ST3GAL1: variants seen among roughly 807,000 people sequenced by gnomAD.
ST3GAL1 encodes the protein ST3 beta-galactoside alpha-2,3-sialyltransferase 1, also known as CMP-N-acetylneuraminate-beta-galactosamide-alpha-2,3-sialyltransferase 1.
In ST3GAL1, 16 loss-of-function variants were observed where a neutral mutation model predicts 34.1. The observed-to-expected ratio is 0.47, with a 90% CI of 0.32 to 0.71. The LOEUF is 0.71. Ranked by LOEUF, ST3GAL1 falls within the 30% of genes least tolerant of loss-of-function variation. The pLI is 0.04. For missense variants in ST3GAL1, 353 were observed against 447.4 expected (o/e 0.79, Z 1.90); for synonymous variants, 191 against 184.7 (o/e 1.03, Z -0.28).
At position 133,570,592 on chromosome 8, in the gene ST3GAL1, G is replaced by A. The variant is rs998177442; in HGVS notation, c.-582+1101C>T. Among the ~76,000 whole-genome samples, 1 of 152,174 alleles carries A rather than the reference G, an allele frequency of 6.6e-6. No homozygotes were observed. Among genetic ancestry groups the A allele is most frequent in the Admixed American group, 6.5e-5 (1 of 15,280 alleles). ...TCCCCACACGCTTCCTGGGAGACCC[G>A]GCTGCAAGGCCAGGCTAATGCGCGC... On this transcript the variant is annotated intron_variant, in intron 1 of 9. Coordinates refer to ENST00000522652, the MANE Select transcript of ST3GAL1 (RefSeq NM_173344.3). This position sits in a 1 kb window ranked among gnomAD's most constrained non-coding sequence, Gnocchi z 5.6.
chr8:133,476,068 C>T lies in ST3GAL1; in HGVS notation c.-44G>A, dbSNP rs754770926. 2.0e-6 allele frequency: 3 copies of T among 1,523,398 alleles called. No individual in the cohort carries two copies. Among genetic ancestry groups the T allele is most frequent in the Non-Finnish European group, 2.6e-6 (3 of 1,134,770 alleles). The allele number at this position is 1,523,398 out of a possible 1,614,324, so 94.4% of individuals were successfully genotyped here. On this transcript the variant is annotated 5_prime_UTR_variant, in exon 5 of 10. Transcript: ENST00000522652. ...GGCCTCCCACGATGGGTAGCAGGAA[C>T]TCCCTCCTAAGAGAGGAGAAAAATG...
intron 3 of ST3GAL1, among the ~76,000 whole-genome samples, chr8:133,477,760 C>A (rs531414379): frequency 1.3e-5 from 2 of 151,902 alleles, no homozygotes; most frequent in Non-Finnish European, 2.9e-5. Context: ...TGCCCTGGAG[C>A]GTGGTCTTTT....
In ST3GAL1 at chr8:133,467,771, G is replaced by A. The variant is rs1201515922; in HGVS notation, c.307-1681C>T. ...ACCTGGGCATATGTAGGGAGATCCCGGGGCACCCAGTCCCCACTGCAATGG... is the reference window on the plus strand; with the variant it reads ...ACCTGGGCATATGTAGGGAGATCCCAGGGCACCCAGTCCCCACTGCAATGG... On this transcript the variant is annotated intron_variant, in intron 5 of 9. Coordinates refer to ENST00000522652, the MANE Select transcript of ST3GAL1 (RefSeq NM_173344.3). The surrounding 1 kb of genome is among the most constrained non-coding windows in gnomAD (Gnocchi z 4.2). Among the ~76,000 whole-genome samples, 2 of 152,138 alleles carry A rather than the reference G, an allele frequency of 1.3e-5. No individual in the cohort carries two copies. The highest frequency in any genetic ancestry group is 1.9e-4 in the East Asian group (1 of 5,172).
intron 2 of ST3GAL1, among the ~76,000 whole-genome samples, chr8:133,526,035 G>A (rs975623255): frequency 6.6e-6 from 1 of 152,166 alleles, no homozygotes; most frequent in African/African-American, 2.4e-5. Context: ...TGTGGAGCAT[G>A]CAGCCCCAGC....
At chr8:133,538,313 G>A (rs956350925) in intron 2 of ST3GAL1, among the ~76,000 whole-genome samples, 18 of 152,188 alleles carry the variant, frequency 1.2e-4, no homozygotes, top group African/African-American at 3.1e-4. Context: ...TCAGGAGTTC[G>A]AGATCGGCCT....
intron 1 of ST3GAL1, among the ~76,000 whole-genome samples, chr8:133,568,968 T>C (rs73361381): frequency 0.014 from 2,198 of 152,312 alleles, 52 homozygotes; most frequent in African/African-American, 0.042. Context: ...AGGGGGGCAG[T>C]ACAGCCCTGA....
At chr8:133,551,466 G>C (rs964224934) in intron 1 of ST3GAL1, among the ~76,000 whole-genome samples, 1 of 150,130 alleles carries the variant, frequency 6.7e-6, no homozygotes, top group Admixed American at 6.7e-5. Flanking sequence ...GGAAAAGAAA[G>C]AGAGAGAGAG....
intron 3 of ST3GAL1, among the ~76,000 whole-genome samples, chr8:133,492,271 C>T (rs1399652339): frequency 6.6e-6 from 1 of 152,112 alleles, no homozygotes; most frequent in Non-Finnish European, 1.5e-5. Flanking sequence ...CAAGTGCACC[C>T]CCAGCTCATG....
In ST3GAL1 at chr8:133,525,645, G is replaced by T. The variant is rs537843534; in HGVS notation, c.-429+20129C>A. Among the ~76,000 whole-genome samples, 15 of 152,284 alleles carry T rather than the reference G, an allele frequency of 9.9e-5. No homozygotes were observed. The South Asian group carries it at 3.1e-3, about 32-fold the overall frequency. ...GACGCCTGCAGGCCTGCACTGAGCT[G>T]CCCTCAGTCTCCTCTTGGCTTCCCT... On this transcript the variant is annotated intron_variant, in intron 2 of 9. Transcript: ENST00000522652.
chr8:133,515,484 G>A (rs186058452), intron 2 of ST3GAL1: 1 of 152,058 alleles, frequency 6.6e-6, no homozygotes, highest in Non-Finnish European at 1.5e-5. Context: ...AGTTCTCAAG[G>A]GTTCTCATTG....
chr8:133,567,549 C>G (rs1819439860), intron 1 of ST3GAL1, among the ~76,000 whole-genome samples: 1 of 152,212 alleles, frequency 6.6e-6, no homozygotes, highest in South Asian at 2.1e-4. Flanking sequence ...GGTGAGATCA[C>G]TGGGGTTCCT....
At chr8:133,554,835 T>C (rs1365546083) in intron 1 of ST3GAL1, among the ~76,000 whole-genome samples, 1 of 151,510 alleles carries the variant, frequency 6.6e-6, no homozygotes, top group African/African-American at 2.4e-5. Context: ...CAAGCGATTC[T>C]CGTGCCTCAG....
At position 133,476,457 on chromosome 8, in the gene ST3GAL1, C is replaced by T. The variant is rs763883064; in HGVS notation, c.-230G>A. 30 of 155,682 alleles carry T rather than the reference C, an allele frequency of 1.9e-4. No individual in the cohort carries two copies. Among genetic ancestry groups the T allele is most frequent in the Non-Finnish European group, 2.4e-4 (17 of 70,314 alleles). The allele number at this position is 155,682 out of a possible 1,614,324, so 9.6% of individuals were successfully genotyped here. ...CCTCGAAGGAAGGGTGTTGGTATAGCGGGGAGGGAAACTGTCTCTGCCGTC... is the reference window on the plus strand; with the variant it reads ...CCTCGAAGGAAGGGTGTTGGTATAGTGGGGAGGGAAACTGTCTCTGCCGTC... On this transcript the variant is annotated 5_prime_UTR_variant, in exon 4 of 10. Coordinates refer to ENST00000522652, the MANE Select transcript of ST3GAL1 (RefSeq NM_173344.3).
At chr8:133,534,364 T>C (rs926523644) in intron 2 of ST3GAL1, among the ~76,000 whole-genome samples, 30 of 151,238 alleles carry the variant, frequency 2.0e-4, no homozygotes, top group African/African-American at 7.0e-4. Context: ...TTATAATATA[T>C]ATATGGACAT....
chr8:133,541,865 C>A (rs1818543662), intron 2 of ST3GAL1, among the ~76,000 whole-genome samples: 1 of 152,114 alleles, frequency 6.6e-6, no homozygotes, highest in South Asian at 2.1e-4. Context: ...TGGGCCTGAA[C>A]ACGGTTTAAT....
chr8:133,527,684 A>G lies in ST3GAL1; in HGVS notation c.-429+18090T>C, dbSNP rs149267897. Among the ~76,000 whole-genome samples the G allele has an allele frequency of 7.6e-3, 1,163 of 152,342 alleles. 19 individuals are homozygous for G. The highest frequency in any genetic ancestry group is 0.026 in the African/African-American group (1,093 of 41,570). ...CTCATCCTAGGCACGGGAGAACTAT[A>G]TGCCAGGACTCAGCCCATGGCTCAC... is the stretch of plus-strand genomic sequence containing the variant. On this transcript the variant is annotated intron_variant, in intron 2 of 9. Coordinates refer to ENST00000522652, the MANE Select transcript of ST3GAL1 (RefSeq NM_173344.3).
intron 2 of ST3GAL1, among the ~76,000 whole-genome samples, chr8:133,532,201 G>A (rs948689745): frequency 6.6e-6 from 1 of 152,192 alleles, no homozygotes; most frequent in Non-Finnish European, 1.5e-5. Flanking sequence ...GATGGGCACA[G>A]TGGCTTACAC....
At chr8:133,560,379 G>A (rs1438332122) in intron 1 of ST3GAL1, among the ~76,000 whole-genome samples, 1 of 152,194 alleles carries the variant, frequency 6.6e-6, no homozygotes, top group East Asian at 1.9e-4. Context: ...GATGAATTTA[G>A]CAGCTTAGAA....
At chr8:133,568,227 C>T (rs952564661) in intron 1 of ST3GAL1, among the ~76,000 whole-genome samples, 4 of 152,164 alleles carry the variant, frequency 2.6e-5, no homozygotes, top group Admixed American at 2.0e-4. Context: ...AGCCAAGCCT[C>T]TTATTTTGAG....
Sources: gnomAD v4.1 joint callset for allele counts (sites outside exome capture counted in the v4.1 genomes callset) on GRCh38, gnomAD v4.1.1 for gene constraint, Gnocchi (gnomAD v3.1) non-coding constraint, MANE v1.5 for transcripts, NCBI Gene and HGNC (gene_info 2026-07-23, HGNC 2026-07-21) for gene names.